The following ADGRV1 variants were observed in gnomAD, a reference collection of about 807,000 sequenced individuals.
ADGRV1 encodes the protein adhesion G protein-coupled receptor V1.
In ADGRV1, 359 loss-of-function variants were observed where a neutral mutation model predicts 596.2. That is an observed-to-expected ratio of 0.60 (90% CI 0.55 to 0.66). ADGRV1 has a LOEUF of 0.66. ADGRV1 is among the 30% of genes least tolerant of loss of function. The probability of loss-of-function intolerance (pLI) is 0.00; values close to 1 mark genes in which losing one functional copy is unlikely to be tolerated. For missense variants in ADGRV1, 7,274 were observed against 7,575.6 expected (o/e 0.96, Z 1.48); for synonymous variants, 2,681 against 2,679.2 (o/e 1.00, Z -0.02).
chr5:90,884,993 G>T (rs1050979910), intron 83 of ADGRV1, among the ~76,000 whole-genome samples: 1 of 152,104 alleles, frequency 6.6e-6, no homozygotes, highest in African/African-American at 2.4e-5. Flanking sequence ...GTTGAGTTTG[G>T]CCCACAATCG....
intron 50 of ADGRV1, 109 bp downstream of exon 50, chr5:90,729,873 T>C: frequency 9.0e-7 from 1 of 1,114,316 alleles, no homozygotes; most frequent in South Asian, 1.5e-5. Context: ...ACTGGGTATT[T>C]TTTTTTTTTT....
chr5:90,805,084 G>T, intron 71 of ADGRV1, 200 bp from the exon 72 acceptor site: 1 of 382,748 alleles, frequency 2.6e-6, no homozygotes, highest in Non-Finnish European at 4.6e-6. Flanking sequence ...AAAAGAAAAA[G>T]CTATCAACTA....
At chr5:90,912,920 T>C (rs1277992994) in intron 83 of ADGRV1, among the ~76,000 whole-genome samples, 1 of 152,222 alleles carries the variant, frequency 6.6e-6, no homozygotes, top group Non-Finnish European at 1.5e-5. Flanking sequence ...TCCTATATTT[T>C]CCACATTTAT....
intron 1 of ADGRV1, among the ~76,000 whole-genome samples, chr5:90,577,911 C>G (rs549370340): frequency 2.0e-5 from 3 of 151,972 alleles, no homozygotes; most frequent in African/African-American, 7.2e-5. Context: ...TGATTTGGCT[C>G]TCTGTCTATT....
intron 87 of ADGRV1, among the ~76,000 whole-genome samples, chr5:91,135,535 C>T (rs1794558080): frequency 6.6e-6 from 1 of 152,168 alleles, no homozygotes; most frequent in Non-Finnish European, 1.5e-5. Flanking sequence ...GTATTAATGG[C>T]ATAGATGATA....
intron 84 of ADGRV1, among the ~76,000 whole-genome samples, chr5:90,976,890 A>T (rs377634529): frequency 1.9e-4 from 29 of 152,332 alleles, no homozygotes; most frequent in African/African-American, 7.0e-4. Context: ...TTGAAACTAC[A>T]GCTTAATTGA....
chr5:91,039,073 G>A (rs1390357272), intron 85 of ADGRV1, among the ~76,000 whole-genome samples: 1 of 152,062 alleles, frequency 6.6e-6, no homozygotes, highest in Non-Finnish European at 1.5e-5. Flanking sequence ...ATCAAATATT[G>A]AACCTGGTGC....
intron 14 of ADGRV1, among the ~76,000 whole-genome samples, chr5:90,644,224 A>C (rs934790172): frequency 1.3e-5 from 2 of 152,160 alleles, no homozygotes; most frequent in Non-Finnish European, 2.9e-5. Context: ...ATGCAGTGCA[A>C]CTCAAACACT....
intron 26 of ADGRV1, among the ~76,000 whole-genome samples, chr5:90,680,894 G>A (rs1166474324): frequency 2.0e-5 from 3 of 152,236 alleles, no homozygotes; most frequent in Non-Finnish European, 4.4e-5. Context: ...ATTCATGCAC[G>A]TTGGAAACCA....
intron 77 of ADGRV1, among the ~76,000 whole-genome samples, chr5:90,835,678 G>C (rs1388267738): frequency 3.3e-5 from 5 of 152,148 alleles, no homozygotes. Context: ...GAAAACCATG[G>C]GTCCCAGGTG....
At position 90,940,174 on chromosome 5, in the gene ADGRV1, A is replaced by T. The variant is rs1776050909; in HGVS notation, c.17857-25241A>T. On this transcript the variant is annotated intron_variant, in intron 83 of 89. Coordinates refer to ENST00000405460, the MANE Select transcript of ADGRV1 (RefSeq NM_032119.4). ...TGCAGTTATTTCAGGCTAAGAATCTACCTCCCCTCACTGACTGTCTTTTGA... is the reference window on the plus strand; with the variant it reads ...TGCAGTTATTTCAGGCTAAGAATCTTCCTCCCCTCACTGACTGTCTTTTGA... Among the ~76,000 whole-genome samples, 6 of 152,212 alleles carry T rather than the reference A, an allele frequency of 3.9e-5. No individual in the cohort carries two copies. In the South Asian group the frequency reaches 1.2e-3, roughly 32 times the overall value.
At position 90,675,264 on chromosome 5, in the gene ADGRV1, G is replaced by A; in HGVS notation, c.5132G>A (p.Gly1711Glu). The A allele has an allele frequency of 6.2e-7, 1 of 1,613,368 alleles. No homozygotes were observed. The highest frequency in any genetic ancestry group is 8.5e-7 in the Non-Finnish European group (1 of 1,179,788). Residue 1711 changes from glycine to glutamate, a missense_variant, in exon 24 of 90, where the codon GGG becomes GAG. By Grantham distance (98) the Gly-to-Glu change is moderately conservative (BLOSUM62 -2). Around this residue, in one of 5 missense-constraint regions of ADGRV1, gnomAD observed 3,643 missense variants for 3,809.2 expected, o/e 0.96. Coordinates refer to ENST00000405460, the MANE Select transcript of ADGRV1 (RefSeq NM_032119.4). The stretch of plus-strand genomic sequence containing the variant: ...CTAGGCTTGCTGCAGTTCTCCACAG[G>A]GCTGCCTCCTCAGCCTAAGGACGCA... ...HPYGLLQFST[G>E]LPPQPKDAMT...
chr5:91,060,398 A>ATATATATATATAT (rs796332430), intron 85 of ADGRV1, among the ~76,000 whole-genome samples: 1 of 60,478 alleles, frequency 1.7e-5, no homozygotes, highest in African/African-American at 4.7e-5. Context: ...ATATATATAT[A>ATATATATATATAT]TTTTTTTTTT....
At chr5:90,630,894 G>A (rs1032074586) in intron 9 of ADGRV1, among the ~76,000 whole-genome samples, 3 of 151,996 alleles carry the variant, frequency 2.0e-5, no homozygotes, top group African/African-American at 4.8e-5. Flanking sequence ...TTCTGTGCTT[G>A]TTTCACATCT....
chr5:90,881,900 T>C (rs1274368509), intron 83 of ADGRV1, among the ~76,000 whole-genome samples: 4 of 152,010 alleles, frequency 2.6e-5, no homozygotes, highest in African/African-American at 4.8e-5. Context: ...TGTGGAGATA[T>C]GTCTTGCTTT....
intron 85 of ADGRV1, among the ~76,000 whole-genome samples, chr5:91,045,151 AG>A (rs1188661531): frequency 6.6e-6 from 1 of 152,168 alleles, no homozygotes; most frequent in Non-Finnish European, 1.5e-5. Context: ...CTATTCCACA[AG>A]ATAGAGAAAG....
chr5:90,637,686 A>T, intron 10 of ADGRV1, 39 bp from the exon 11 acceptor site: 1 of 1,398,358 alleles, frequency 7.2e-7, no homozygotes, highest in Admixed American at 2.3e-5. Flanking sequence ...CTGAACATAT[A>T]TTTTAGAAGA....
intron 59 of ADGRV1, among the ~76,000 whole-genome samples, chr5:90,765,231 C>T (rs1187773389): frequency 1.3e-5 from 2 of 152,164 alleles, no homozygotes; most frequent in Non-Finnish European, 1.5e-5. Flanking sequence ...GAGCCATCTG[C>T]TCGAGGCACT....
At chr5:90,976,827 C>A (rs1174189174) in intron 84 of ADGRV1, among the ~76,000 whole-genome samples, 2 of 152,166 alleles carry the variant, frequency 1.3e-5, no homozygotes, top group African/African-American at 4.8e-5. Flanking sequence ...TTTTTGCAGT[C>A]TGCTCATCTC....
Sources: allele counts gnomAD v4.1 joint callset (sites outside exome capture counted in the v4.1 genomes callset), GRCh38; gene constraint gnomAD v4.1.1; regional missense constraint gnomAD v4.1.1; transcripts MANE v1.5; gene names NCBI Gene and HGNC (gene_info 2026-07-23, HGNC 2026-07-21).